The following CALY variants were observed in gnomAD, a reference collection of about 807,000 sequenced individuals.
The protein encoded by CALY is calcyon neuron specific vesicular protein.
Under a neutral mutation model 20.2 loss-of-function variants are expected in CALY, and 15 were observed. The observed-to-expected ratio is 0.74, with a 90% CI of 0.50 to 1.14. The LOEUF (loss-of-function observed/expected upper bound fraction) is 1.14. CALY is among the 50% of genes most tolerant of loss of function. The pLI, the probability that CALY is intolerant of heterozygous loss-of-function variation, is 0.00. For synonymous variants in CALY, 129 were observed against 131.8 expected, an observed-to-expected ratio of 0.98 and a Z score of 0.15; for missense variants, 270 against 304.4, an observed-to-expected ratio of 0.89 and a Z score of 0.84.
intron 3 of CALY, chr10:133,327,576 T>A (rs779418246): frequency 3.4e-6 from 2 of 586,914 alleles, no homozygotes; most frequent in Non-Finnish European, 6.1e-6. Flanking sequence ...AAAGGAAGTA[T>A]TACATAGAAA....
intron 4 of CALY, 50 bp from the exon 5 acceptor site, chr10:133,326,170 C>T: frequency 1.3e-6 from 2 of 1,574,812 alleles, no homozygotes; most frequent in Non-Finnish European, 1.7e-6. Flanking sequence ...CTCCTGTGCG[C>T]CCCGGGCCCA....
chr10:133,336,042 C>T (rs1467701419), intron 1 of CALY, among the ~76,000 whole-genome samples: 2 of 152,122 alleles, frequency 1.3e-5, no homozygotes, highest in African/African-American at 4.8e-5. Flanking sequence ...CTGGGGGGTG[C>T]GCGCAGGTGG....
chr10:133,335,041 G>C (rs1010081627), intron 1 of CALY, among the ~76,000 whole-genome samples: 1 of 152,168 alleles, frequency 6.6e-6, no homozygotes, highest in Non-Finnish European at 1.5e-5. Flanking sequence ...GGAGACGGAC[G>C]AGGCGCCACG....
chr10:133,324,193 C>T lies in CALY; in HGVS notation c.*1402G>A, dbSNP rs1470674969. The T allele has an allele frequency of 2.8e-6, 1 of 361,524 alleles. No homozygotes were observed. The highest frequency in any genetic ancestry group is 5.6e-6 in the Non-Finnish European group (1 of 178,072). The allele number at this position is 361,524 out of a possible 1,614,324, so 22.4% of individuals were successfully genotyped here. A position where few individuals can be genotyped will look rare whatever the true frequency, so the allele number is the denominator to read the frequency against. On this transcript the variant is annotated 3_prime_UTR_variant, in exon 6 of 6. Transcript: ENST00000252939. ...CCCTTGCAGGCCATCAGGGCCAATT[C>T]AGTTCTGCGTGTGCTTGTTCATCTG...
intron 1 of CALY, among the ~76,000 whole-genome samples, chr10:133,330,231 T>G (rs952161735): frequency 6.6e-6 from 1 of 151,634 alleles, no homozygotes; most frequent in Non-Finnish European, 1.5e-5. Context: ...GCGGCGCCTG[T>G]GGTCCCAGCC....
intron 4 of CALY, chr10:133,326,422 G>A: frequency 1.6e-6 from 1 of 621,318 alleles, no homozygotes. Flanking sequence ...GAGTTAAGGA[G>A]AAAAGGAGCA....
intron 2 of CALY, 105 bp downstream of exon 2, chr10:133,328,750 C>T (rs367797751): frequency 1.6e-6 from 2 of 1,250,458 alleles, no homozygotes; most frequent in South Asian, 1.6e-5. Flanking sequence ...CATCTGTTTG[C>T]TCTACTGCAC....
chr10:133,328,802 C>A (rs1848255255), intron 2 of CALY, 53 bp downstream of exon 2: 16 of 1,503,942 alleles, frequency 1.1e-5, no homozygotes, highest in Non-Finnish European at 1.4e-5. Flanking sequence ...CCCCACACCC[C>A]TTTGTTCCCA....
In CALY at chr10:133,327,860, C is replaced by A. The variant is rs2133377389; in HGVS notation, c.246+45G>T. 4 of 1,324,840 alleles carry A rather than the reference C, an allele frequency of 3.0e-6. No homozygotes were observed. In the East Asian group the frequency reaches 9.4e-5, roughly 31 times the overall value. 82.1% of individuals were successfully genotyped at this position (1,324,840 alleles called of 1,614,324 possible). ...CACCCCCAGCTGCCTTCCACCTTCT[C>A]CTCCTGTCCTGAGTCCCCACAGTGG... On this transcript the variant is annotated intron_variant, in intron 3 of 5. Transcript: ENST00000252939.
rs1236625827 is a variant in CALY at position 133,327,980 on chromosome 10, G to C, written c.171C>G (p.Ser57=). ...CAGGGAAATTCTGCTGGTCTGGGGAGGACAGCTGGTATTCTGTCTGTGTCT... is the reference window on the plus strand; with the variant it reads ...CAGGGAAATTCTGCTGGTCTGGGGACGACAGCTGGTATTCTGTCTGTGTCT... ...VIKTQTEYQL[S]SPDQQNFPDL... Residue 57 remains serine, a synonymous_variant, in exon 3 of 6, where the codon TCC becomes TCG. Coordinates refer to ENST00000252939, the MANE Select transcript of CALY (RefSeq NM_015722.4). 6.2e-7 allele frequency: 1 copy of C among 1,612,522 alleles called. No homozygotes were observed. The highest frequency in any genetic ancestry group is 2.2e-5 in the East Asian group (1 of 44,862).
At position 133,324,495 on chromosome 10, in the gene CALY, T is replaced by C. The variant is rs754706747; in HGVS notation, c.*1100A>G. On this transcript the variant is annotated 3_prime_UTR_variant, in exon 6 of 6. Coordinates refer to ENST00000252939, the MANE Select transcript of CALY (RefSeq NM_015722.4). ...GTGGGCGGGGCTGCAGAGCCGCTGC[T>C]GGCTGGGGTGGGCGGGGCTGCAGTG... is the stretch of plus-strand genomic sequence containing the variant. The C allele has an allele frequency of 8.1e-6, 3 of 372,160 alleles. No homozygotes were observed. The highest frequency in any genetic ancestry group is 5.0e-5 in the African/African-American group (2 of 39,698). The allele number at this position is 372,160 out of a possible 1,614,324, so 23.1% of individuals were successfully genotyped here.
At chr10:133,334,670 A>G (rs1475100735) in intron 1 of CALY, among the ~76,000 whole-genome samples, 1 of 151,236 alleles carries the variant, frequency 6.6e-6, no homozygotes, top group East Asian at 2.0e-4. Flanking sequence ...TGCGTGGGGA[A>G]AGAACTGAGG....
At position 133,324,742 on chromosome 10, in the gene CALY, TGGGG is replaced by T. The variant is rs1848176931; in HGVS notation, c.*849_*852del. 1 of 8,166 alleles carries T rather than the reference TGGGG, an allele frequency of 1.2e-4. No homozygotes were observed. Among genetic ancestry groups the T allele is most frequent in the Non-Finnish European group, 2.3e-4 (1 of 4,350 alleles). The allele number at this position is 8,166 out of a possible 1,614,324, so 0.5% of individuals were successfully genotyped here. A position where few individuals can be genotyped will look rare whatever the true frequency, so the allele number is the denominator to read the frequency against. On this transcript the variant is annotated 3_prime_UTR_variant, in exon 6 of 6. Coordinates refer to ENST00000252939, the MANE Select transcript of CALY (RefSeq NM_015722.4). ...TTCAGTGCCGGGAGTTGGCTGGGGCTGGGGTGGGGATGCTGGGGCTGGGGTGGGG... is the reference window on the plus strand; with the variant it reads ...TTCAGTGCCGGGAGTTGGCTGGGGCTTGGGGATGCTGGGGCTGGGGTGGGG...
chr10:133,324,202 G>C lies in CALY; in HGVS notation c.*1393C>G. The stretch of plus-strand genomic sequence containing the variant: ...GCCATCAGGGCCAATTCAGTTCTGC[G>C]TGTGCTTGTTCATCTGGCCAATGCC... On this transcript the variant is annotated 3_prime_UTR_variant, in exon 6 of 6. Transcript: ENST00000252939. The C allele has an allele frequency of 2.7e-6, 1 of 369,818 alleles. No homozygotes were observed. Among genetic ancestry groups the C allele is most frequent in the Non-Finnish European group, 5.5e-6 (1 of 180,982 alleles). The allele number at this position is 369,818 out of a possible 1,614,324, so 22.9% of individuals were successfully genotyped here.
intron 4 of CALY, 27 bp from the exon 5 acceptor site, chr10:133,326,147 G>C: frequency 6.3e-7 from 1 of 1,590,438 alleles, no homozygotes; most frequent in Non-Finnish European, 8.6e-7. Context: ...GTCAGGGTCG[G>C]TGGGGCTGAG....
rs58004815 is a variant in CALY, at chr10:133,330,657, C to CA, written c.-20-1649dup. ...TGGGTGACAGAGAGAGACTCCGTCT[C>CA]AAAAAAAAAAAAAAAAGGAATCTGT... On this transcript the variant is annotated intron_variant, in intron 1 of 5. Coordinates refer to ENST00000252939, the MANE Select transcript of CALY (RefSeq NM_015722.4). 1.2e-3 allele frequency among the ~76,000 whole-genome samples: 55 copies of CA among 44,846 alleles called. 3 individuals are homozygous for CA. Among genetic ancestry groups the CA allele is most frequent in the African/African-American group, 3.2e-3 (44 of 13,544 alleles). 29.4% of individuals were successfully genotyped at this position (44,846 alleles called of 152,430 possible).
intron 1 of CALY, among the ~76,000 whole-genome samples, chr10:133,335,559 C>T (rs1451376631): frequency 1.3e-5 from 2 of 152,220 alleles, no homozygotes; most frequent in Non-Finnish European, 2.9e-5. Flanking sequence ...CTTCTGGTTC[C>T]GGGCCCAGCG....
chr10:133,327,591 G>A (rs954015908), intron 3 of CALY: 23 of 591,518 alleles, frequency 3.9e-5, no homozygotes, highest in African/African-American at 1.1e-4. Flanking sequence ...TAGAAAGCCC[G>A]TAAGTCACTG....
In CALY at chr10:133,327,035, C is replaced by T. The variant is rs375665664; in HGVS notation, c.247-44G>A. ...GGGGCTCAGCCACGCCAGGCAGGGG[C>T]GGTCTTTGTGGGGAGCTCCTCAGGG... On this transcript the variant is annotated intron_variant, in intron 3 of 5. Coordinates refer to ENST00000252939, the MANE Select transcript of CALY (RefSeq NM_015722.4). The T allele has an allele frequency of 6.1e-5, 87 of 1,417,620 alleles. No homozygotes were observed. The African/African-American group carries it at 8.9e-4, about 15-fold the overall frequency. 87.8% of individuals were successfully genotyped at this position (1,417,620 alleles called of 1,614,324 possible). A position where few individuals can be genotyped will look rare whatever the true frequency, so the allele number is the denominator to read the frequency against.
Sources: allele counts gnomAD v4.1 joint callset (sites outside exome capture counted in the v4.1 genomes callset), GRCh38; gene constraint gnomAD v4.1.1; transcripts MANE v1.5; gene names NCBI Gene and HGNC (gene_info 2026-07-23, HGNC 2026-07-21).